Variants in POU2F3 observed in about 807,000 individuals in gnomAD.
POU2F3 encodes POU domain, class 2, transcription factor 3.
POU2F3 carries 23 observed loss-of-function variants against 59.2 expected under a neutral mutation model. The observed-to-expected ratio is 0.39, with a 90% CI of 0.28 to 0.55. POU2F3 has a LOEUF of 0.55. Ranked by LOEUF, POU2F3 falls within the 20% of genes least tolerant of loss-of-function variation. The pLI, the probability that POU2F3 is intolerant of heterozygous loss-of-function variation, is 0.66. For synonymous variants in POU2F3, 190 were observed against 214.6 expected (o/e 0.89, Z 1.00); for missense variants, 473 against 544.5 (o/e 0.87, Z 1.31).
chr11:120,298,134 A>C, intron 3 of POU2F3, 131 bp from the exon 4 acceptor site: 1 of 1,184,778 alleles, frequency 8.4e-7, no homozygotes, highest in Non-Finnish European at 1.2e-6. Context: ...GCTGCAGCCC[A>C]GTAGGCCCTG....
At chr11:120,249,499 C>T (rs974627107) in intron 2 of POU2F3, among the ~76,000 whole-genome samples, 1 of 152,174 alleles carries the variant, frequency 6.6e-6, no homozygotes, top group Admixed American at 6.5e-5. Context: ...CATGAGCCAC[C>T]GCACCGGGAC....
At position 120,246,508 on chromosome 11, in the gene POU2F3, G is replaced by A. The variant is rs567967096; in HGVS notation, c.88G>A (p.Val30Met). The A allele has an allele frequency of 1.2e-6, 2 of 1,613,772 alleles. No homozygotes were observed. Among genetic ancestry groups the A allele is most frequent in the African/African-American group, 1.3e-5 (1 of 74,970 alleles). Reference sequence around the variant, plus strand: ...GGATGCTCGCAGCACTCTCAGCCAGGTGGAGCCAGGTAAGGGTCTTCTCTT... The same window carrying A: ...GGATGCTCGCAGCACTCTCAGCCAGATGGAGCCAGGTAAGGGTCTTCTCTT... ...STDARSTLSQ[V>M]EPGNDRNGLD... The change falls in exon 2 of 13, where the codon GTG becomes ATG. Residue 30 changes from valine to methionine, a missense_variant. Val to Met is a conservative substitution (Grantham distance 21, BLOSUM62 1). Transcript: ENST00000543440.
chr11:120,240,401 G>A, intron 1 of POU2F3, 30 bp downstream of exon 1: 1 of 1,391,568 alleles, frequency 7.2e-7, no homozygotes, highest in Admixed American at 2.6e-5. Flanking sequence ...AGCTCTGACA[G>A]GTGTCACTGC....
intron 11 of POU2F3, among the ~76,000 whole-genome samples, chr11:120,316,529 G>T (rs1941793174): frequency 6.6e-6 from 1 of 152,228 alleles, no homozygotes; most frequent in Non-Finnish European, 1.5e-5. Context: ...AGGCTCAAGT[G>T]ATCCTCCCAC....
intron 10 of POU2F3, among the ~76,000 whole-genome samples, chr11:120,314,553 G>T (rs899406271): frequency 2.0e-5 from 3 of 152,172 alleles, no homozygotes; most frequent in African/African-American, 7.2e-5. Context: ...TGGAAGTATT[G>T]CTGCTATTTT....
chr11:120,309,042 G>A (rs1450891523), intron 9 of POU2F3, among the ~76,000 whole-genome samples: 1 of 149,360 alleles, frequency 6.7e-6, no homozygotes, highest in East Asian at 2.0e-4. Context: ...CAGCTCTGGG[G>A]ACTCTACCTG....
At chr11:120,261,610 C>T (rs150186221) in intron 2 of POU2F3, among the ~76,000 whole-genome samples, 8 of 152,272 alleles carry the variant, frequency 5.3e-5, no homozygotes, top group Admixed American at 6.5e-5. Context: ...CTGCCCTACC[C>T]CTCCCTTCTG....
At chr11:120,278,818 C>T (rs1471513640) in intron 3 of POU2F3, among the ~76,000 whole-genome samples, 7 of 152,074 alleles carry the variant, frequency 4.6e-5, no homozygotes, top group African/African-American at 9.7e-5. Context: ...GATAAAATGA[C>T]GGGTTGATGG....
chr11:120,238,940 A>T (rs565390758), upstream of POU2F3, among the ~76,000 whole-genome samples: 1 of 151,926 alleles, frequency 6.6e-6, no homozygotes, highest in African/African-American at 2.4e-5. Flanking sequence ...GGTTTTGAGG[A>T]CTAAACAAGA....
At chr11:120,237,981 C>T (rs1938541756), upstream of POU2F3, among the ~76,000 whole-genome samples, 1 of 152,184 alleles carries the variant, frequency 6.6e-6, no homozygotes, top group South Asian at 2.1e-4. Flanking sequence ...TGGCTCACAC[C>T]TGTAATCCCA....
In POU2F3 at chr11:120,279,178, G is replaced by A. The variant is rs535121102; in HGVS notation, c.132+9934G>A. ...ACAGGCTTGCCAGACTCCCGACTCT[G>A]TGGTTCTCCCCCCACCACTGCCTGC... is the stretch of plus-strand genomic sequence containing the variant. On this transcript the variant is annotated intron_variant, in intron 3 of 12. Coordinates refer to ENST00000543440, the MANE Select transcript of POU2F3 (RefSeq NM_014352.4). 9.9e-5 allele frequency among the ~76,000 whole-genome samples: 15 copies of A among 151,880 alleles called. 1 individual carries two copies. The South Asian group carries it at 3.2e-3, about 32-fold the overall frequency.
At chr11:120,268,369 C>T (rs1345811928) in intron 2 of POU2F3, among the ~76,000 whole-genome samples, 3 of 152,082 alleles carry the variant, frequency 2.0e-5, no homozygotes, top group African/African-American at 7.2e-5. Flanking sequence ...GAGACAGGGT[C>T]TCATTCTGTT....
chr11:120,296,709 C>A (rs915576557), intron 3 of POU2F3, among the ~76,000 whole-genome samples: 4 of 152,188 alleles, frequency 2.6e-5, no homozygotes, highest in Non-Finnish European at 5.9e-5. Context: ...CATCCATGTT[C>A]CCATACAGGA....
At chr11:120,238,458 C>G (rs1289628979), upstream of POU2F3, among the ~76,000 whole-genome samples, 2 of 151,864 alleles carry the variant, frequency 1.3e-5, no homozygotes, top group Non-Finnish European at 2.9e-5. Flanking sequence ...GGGGTGCTGG[C>G]ACTAGAATGA....
chr11:120,283,220 C>A (rs1940643084), intron 3 of POU2F3, among the ~76,000 whole-genome samples: 1 of 152,230 alleles, frequency 6.6e-6, no homozygotes. Flanking sequence ...GATTTGGTGC[C>A]TCCCTTAAGG....
At chr11:120,276,768 C>CTGGCCA (rs1412339466) in intron 3 of POU2F3, among the ~76,000 whole-genome samples, 1 of 152,170 alleles carries the variant, frequency 6.6e-6, no homozygotes, top group Non-Finnish European at 1.5e-5. Flanking sequence ...GTTTTGATGC[C>CTGGCCA]TGGCCACAAC....
At chr11:120,282,197 A>G (rs1940597889) in intron 3 of POU2F3, among the ~76,000 whole-genome samples, 1 of 152,214 alleles carries the variant, frequency 6.6e-6, no homozygotes, top group Non-Finnish European at 1.5e-5. Context: ...TTACTAAAGC[A>G]GTCATAAGAA....
At chr11:120,263,873 T>TTA (rs1939710985) in intron 2 of POU2F3, among the ~76,000 whole-genome samples, 1 of 152,224 alleles carries the variant, frequency 6.6e-6, no homozygotes, top group Admixed American at 6.5e-5. Flanking sequence ...CTGTGGTTTC[T>TTA]TAGGTCTGAA....
rs1439543394 is a variant in POU2F3 at position 120,305,768 on chromosome 11, A to G, written c.752A>G (p.Lys251Arg). 1 of 1,613,716 alleles carries G rather than the reference A, an allele frequency of 6.2e-7. No homozygotes were observed. The highest frequency in any genetic ancestry group is 2.2e-5 in the East Asian group (1 of 44,888). The change falls in exon 8 of 13, where the codon AAG (lysine) becomes AGG (arginine). Residue 251 changes from lysine to arginine, a missense_variant. Lys to Arg is a conservative substitution (Grantham distance 26). Coordinates refer to ENST00000543440, the MANE Select transcript of POU2F3 (RefSeq NM_014352.4). Reference protein sequence around the residue: ...NMCKLKPLLEKWLNDAESSPS... With the variant: ...NMCKLKPLLERWLNDAESSPS... ...TGCAAGCTCAAGCCCCTGCTGGAGA[A>G]GTGGCTGAATGATGCAGGTAGGCCT...
Sources: allele counts gnomAD v4.1 joint callset (sites outside exome capture counted in the v4.1 genomes callset), GRCh38; gene constraint gnomAD v4.1.1; transcripts MANE v1.5; gene names NCBI Gene and HGNC (gene_info 2026-07-23, HGNC 2026-07-21).